The following LIN54 variants were observed in gnomAD, a reference collection of about 807,000 sequenced individuals.
The protein encoded by LIN54 is lin-54 DREAM MuvB core complex component.
LIN54 carries 9 observed loss-of-function variants against 78.7 expected under a neutral mutation model. That is an observed-to-expected ratio of 0.11 (90% CI 0.07 to 0.20). LIN54 has a LOEUF of 0.20. Among genes scored for constraint, LIN54 ranks in the 10% least tolerant of loss-of-function variants. The pLI is 1.00. For synonymous variants in LIN54, 269 were observed against 318.4 expected (o/e 0.84, Z 1.65); for missense variants, 573 against 889.9 (o/e 0.64, Z 4.53).
chr4:82,983,398 T>G (rs1726852275), intron 2 of LIN54, among the ~76,000 whole-genome samples: 1 of 152,172 alleles, frequency 6.6e-6, no homozygotes, highest in Non-Finnish European at 1.5e-5. Context: ...TATATTCCAG[T>G]AACCTTCTTT....
At chr4:82,975,538 C>T (rs1726092462) in intron 3 of LIN54, among the ~76,000 whole-genome samples, 1 of 151,834 alleles carries the variant, frequency 6.6e-6, no homozygotes, top group African/African-American at 2.4e-5. Context: ...TGGTGAAACC[C>T]CGTCTCCACT....
chr4:83,006,478 A>G (rs1729380043), intron 1 of LIN54, among the ~76,000 whole-genome samples: 1 of 151,862 alleles, frequency 6.6e-6, no homozygotes, highest in South Asian at 2.1e-4. Flanking sequence ...AAAAAAAAGA[A>G]AAACTATTGG....
At chr4:82,949,554 G>A (rs952863664) in intron 4 of LIN54, among the ~76,000 whole-genome samples, 3 of 151,208 alleles carry the variant, frequency 2.0e-5, no homozygotes, top group Non-Finnish European at 3.0e-5. Context: ...ACGCCACCAT[G>A]CCCAGCTAAT....
At chr4:82,930,468 A>G (rs764099862) in intron 12 of LIN54, among the ~76,000 whole-genome samples, 19 of 152,172 alleles carry the variant, frequency 1.2e-4, no homozygotes, top group Non-Finnish European at 2.8e-4. Context: ...ACTCAAGTCT[A>G]CCTGACTTTA....
chr4:82,957,821 C>G (rs1039903333), intron 4 of LIN54, among the ~76,000 whole-genome samples: 20 of 152,136 alleles, frequency 1.3e-4, no homozygotes, highest in African/African-American at 4.8e-4. Flanking sequence ...CCCCTATAAA[C>G]TTTAGGGTCT....
intron 11 of LIN54, among the ~76,000 whole-genome samples, chr4:82,933,017 G>A (rs911528310): frequency 1.3e-5 from 2 of 151,894 alleles, no homozygotes; most frequent in Non-Finnish European, 2.9e-5. Context: ...CAAGATAAAC[G>A]GGCTGCATTA....
intron 1 of LIN54, among the ~76,000 whole-genome samples, chr4:82,993,218 C>CT (rs200555092): frequency 0.46 from 59,242 of 127,890 alleles, 15,571 homozygotes; most frequent in Admixed American, 0.6. Flanking sequence ...TTTCTAGAAT[C>CT]TTTTTTTTTT....
chr4:82,966,835 C>T (rs968876416), intron 4 of LIN54, among the ~76,000 whole-genome samples: 4 of 152,090 alleles, frequency 2.6e-5, no homozygotes, highest in African/African-American at 9.7e-5. Flanking sequence ...GTCTCGAACT[C>T]CTGTCTCAGG....
chr4:82,931,342 T>C (rs1721936219), intron 11 of LIN54, among the ~76,000 whole-genome samples, 197 bp from the exon 12 acceptor site: 1 of 152,254 alleles, frequency 6.6e-6, no homozygotes, highest in South Asian at 2.1e-4. Context: ...TGACAGTGGC[T>C]GTACAACGTT....
Position 82,939,691 on chromosome 4 carries a change from T to A in LIN54, c.1288A>T (p.Ser430Cys). The A allele has an allele frequency of 6.2e-7, 1 of 1,614,186 alleles. No homozygotes were observed. Among genetic ancestry groups the A allele is most frequent in the Non-Finnish European group, 8.5e-7 (1 of 1,179,996 alleles). ...INPTSQIVTT[S>C]QPQQRLIMPA... ...ATGATAAGCCGTTGCTGTGGCTGGCTAGTAGTTACTATTTGTGAAGTTGGA... is the reference window on the plus strand; with the variant it reads ...ATGATAAGCCGTTGCTGTGGCTGGCAAGTAGTTACTATTTGTGAAGTTGGA... The change falls in exon 7 of 13, where the codon AGC becomes TGC. Residue 430 changes from serine to cysteine, a missense_variant. Transcript: ENST00000340417.
intron 4 of LIN54, among the ~76,000 whole-genome samples, chr4:82,955,753 T>G (rs1209620254): frequency 2.3e-5 from 1 of 43,824 alleles, no homozygotes; most frequent in African/African-American, 9.3e-5. Flanking sequence ...GACCCCTATC[T>G]CATTACAAAA....
At chr4:82,944,328 C>T (rs977273067) in intron 5 of LIN54, among the ~76,000 whole-genome samples, 1 of 152,166 alleles carries the variant, frequency 6.6e-6, no homozygotes, top group Non-Finnish European at 1.5e-5. Context: ...CATACAAACA[C>T]ACACATAAAA....
In LIN54 at chr4:83,002,231, C is replaced by T. The variant is rs1728907784; in HGVS notation, c.-33+8253G>A. On this transcript the variant is annotated intron_variant, in intron 1 of 12. Transcript: ENST00000340417. ...GCAAACAGTGAAAAAAAGCTTGCTA[C>T]CACAGAGAAATATTTTTAGAGAAAT... Among the ~76,000 whole-genome samples, 4 of 151,856 alleles carry T rather than the reference C, an allele frequency of 2.6e-5. No individual in the cohort carries two copies. The South Asian group carries it at 8.3e-4, about 32-fold the overall frequency.
intron 4 of LIN54, among the ~76,000 whole-genome samples, chr4:82,960,417 T>C (rs144666835): frequency 2.0e-5 from 3 of 152,248 alleles, no homozygotes; most frequent in Non-Finnish European, 4.4e-5. Context: ...ACTACAGGTA[T>C]GAGCCATTGC....
At chr4:82,995,678 G>T (rs994146434) in intron 1 of LIN54, among the ~76,000 whole-genome samples, 5 of 150,776 alleles carry the variant, frequency 3.3e-5, no homozygotes, top group African/African-American at 4.9e-5. Flanking sequence ...TGTATTTTTA[G>T]TAAAGGCAGG....
intron 4 of LIN54, among the ~76,000 whole-genome samples, chr4:82,962,825 T>C (rs1422293173): frequency 6.6e-6 from 1 of 151,828 alleles, no homozygotes; most frequent in African/African-American, 2.4e-5. Flanking sequence ...AGAAAAACAA[T>C]TGAGCATCCA....
At chr4:82,995,883 C>T (rs888418085) in intron 1 of LIN54, among the ~76,000 whole-genome samples, 8 of 151,822 alleles carry the variant, frequency 5.3e-5, no homozygotes, top group Admixed American at 3.9e-4. Context: ...CGGTGGCTCA[C>T]ACCTGTAATC....
At chr4:82,966,776 GT>G (rs1280194277) in intron 4 of LIN54, among the ~76,000 whole-genome samples, 1 of 151,882 alleles carries the variant, frequency 6.6e-6, no homozygotes, top group Non-Finnish European at 1.5e-5. Context: ...TGCCCAGCTA[GT>G]TTTTGTATTT....
intron 11 of LIN54, among the ~76,000 whole-genome samples, chr4:82,935,590 A>G (rs1439520048): frequency 2.6e-5 from 4 of 152,190 alleles, no homozygotes; most frequent in Admixed American, 6.6e-5. Flanking sequence ...ACCCGGCCAT[A>G]TATTTCTAAG....
Sources: allele counts gnomAD v4.1 joint callset (sites outside exome capture counted in the v4.1 genomes callset), GRCh38; gene constraint gnomAD v4.1.1; transcripts MANE v1.5; gene names NCBI Gene and HGNC (gene_info 2026-07-23, HGNC 2026-07-21).